MMRN2: variants seen among roughly 807,000 people sequenced by gnomAD.
MMRN2 encodes multimerin 2.
A neutral mutation model predicts 68.8 loss-of-function variants in MMRN2; 53 were observed. That is an observed-to-expected ratio of 0.77 (90% CI 0.62 to 0.97). The LOEUF (loss-of-function observed/expected upper bound fraction) is 0.97, where lower values mean the gene tolerates loss of function less well. MMRN2 is among the 50% of genes least tolerant of loss of function. The pLI is 0.00. For missense variants in MMRN2, 1,266 were observed against 1,259.5 expected, an observed-to-expected ratio of 1.01 and a Z score of -0.08; for synonymous variants, 564 against 551.6, an observed-to-expected ratio of 1.02 and a Z score of -0.32.
At chr10:86,945,832 A>G in intron 1 of MMRN2, 143 bp from the exon 2 acceptor site, 2 of 1,483,222 alleles carry the variant, frequency 1.3e-6, no homozygotes, top group Non-Finnish European at 1.8e-6. Flanking sequence ...AGCCTTCCGC[A>G]TTATTCATCC....
At chr10:86,946,422 C>T (rs1203484572) in intron 1 of MMRN2, among the ~76,000 whole-genome samples, 1 of 152,218 alleles carries the variant, frequency 6.6e-6, no homozygotes, top group Non-Finnish European at 1.5e-5. Flanking sequence ...AACAGTTGTC[C>T]TAAGGAAAGG....
At chr10:86,941,798 TAAAAAAA>T (rs55898424) in intron 6 of MMRN2, among the ~76,000 whole-genome samples, 3 of 115,074 alleles carry the variant, frequency 2.6e-5, no homozygotes, top group East Asian at 2.2e-4. Context: ...AGACCCATCT[TAAAAAAA>T]AAAAAAAAAA....
At chr10:86,940,732 C>A (rs1589300117) in intron 6 of MMRN2, among the ~76,000 whole-genome samples, 1 of 152,212 alleles carries the variant, frequency 6.6e-6, no homozygotes, top group South Asian at 2.1e-4. Context: ...TTCAACAAGG[C>A]CTTGGACTTG....
At position 86,943,041 on chromosome 10, in the gene MMRN2, G is replaced by A; in HGVS notation, c.1743C>T (p.Ala581=). The change falls in exon 6 of 7, where the codon GCC becomes GCT. Residue 581 remains alanine (A), a synonymous_variant. Coordinates refer to ENST00000372027, the MANE Select transcript of MMRN2 (RefSeq NM_024756.3). The surrounding 1 kb of genome is among the most constrained non-coding windows in gnomAD (Gnocchi z 4.2). ...LDDEVGALKA[A]AAEARHEVRQ... is the part of the protein sequence containing the mutation. ...GCACCTCGTGGCGGGCCTCGGCCGC[G>A]GCCGCCTTCAGCGCGCCCACCTCGT... 1 of 1,357,816 alleles carries A rather than the reference G, an allele frequency of 7.4e-7. No individual in the cohort carries two copies. 84.1% of individuals were successfully genotyped at this position (1,357,816 alleles called of 1,614,324 possible).
chr10:86,939,673 C>CA (rs1420999199), intron 6 of MMRN2, among the ~76,000 whole-genome samples: 2 of 151,728 alleles, frequency 1.3e-5, no homozygotes. Flanking sequence ...AGAGAGACCC[C>CA]CACCCCAACC....
Position 86,943,722 on chromosome 10 carries a change from C to A in MMRN2, c.1062G>T (p.Val354=). The A allele has an allele frequency of 6.2e-7, 1 of 1,609,010 alleles. No homozygotes were observed. The highest frequency in any genetic ancestry group is 8.5e-7 in the Non-Finnish European group (1 of 1,180,002). ...TTGCCCCAGCCCCAGGCGTTGCCAA[C>A]ACCAGACTGCCATTGGTCCCTGGGG... ...QEAPGTNGSL[V]LATPGAGARP... The change falls in exon 6 of 7, where the codon GTG becomes GTT. Residue 354 remains valine, a synonymous_variant. Coordinates refer to ENST00000372027, the MANE Select transcript of MMRN2 (RefSeq NM_024756.3). This position sits in a 1 kb window ranked among gnomAD's most constrained non-coding sequence, Gnocchi z 4.2.
chr10:86,957,399 G>T lies in MMRN2; in HGVS notation c.143C>A (p.Thr48Asn), dbSNP rs753870982. 7.4e-6 allele frequency: 12 copies of T among 1,613,488 alleles called. No individual in the cohort carries two copies. The highest frequency in any genetic ancestry group is 8.5e-6 in the Non-Finnish European group (10 of 1,179,952). ...PGVWKAEAED[T>N]GKDPVGRNWC... ...TTACCGTCCTACGGGGTCCTTGCCG[G>T]TGTCCTCAGCCTCTGCCTTCCAGAC... Residue 48 changes from threonine (T) to asparagine (N), a missense_variant, in exon 1 of 7, where the codon ACC becomes AAC. By Grantham distance (65) the Thr-to-Asn change is moderately conservative. Transcript: ENST00000372027.
Position 86,945,524 on chromosome 10 carries a change from C to G in MMRN2, c.293+37G>C, listed in dbSNP as rs1313818070. On this transcript the variant is annotated intron_variant, in intron 2 of 6. Transcript: ENST00000372027. ...TCAGTGATTCCAGGGAGGGCCCGCT[C>G]CAGGCCTGGGCAAATGGCCCACCCT... 7 of 1,564,626 alleles carry G rather than the reference C, an allele frequency of 4.5e-6. No homozygotes were observed. In the Admixed American group the frequency reaches 5.8e-5, roughly 13 times the overall value.
chr10:86,950,425 G>C (rs1011658448), intron 1 of MMRN2, among the ~76,000 whole-genome samples: 2 of 152,138 alleles, frequency 1.3e-5, no homozygotes, highest in Non-Finnish European at 2.9e-5. Flanking sequence ...GCATTTTAAG[G>C]CTCTCTGGGT....
At chr10:86,956,459 T>G (rs1050953890) in intron 1 of MMRN2, among the ~76,000 whole-genome samples, 1 of 152,058 alleles carries the variant, frequency 6.6e-6, no homozygotes, top group Middle Eastern at 3.4e-3. Context: ...CCTAAATCCA[T>G]GTAGATGCCC....
At chr10:86,956,980 T>C (rs1406048632) in intron 1 of MMRN2, among the ~76,000 whole-genome samples, 1 of 152,198 alleles carries the variant, frequency 6.6e-6, no homozygotes, top group African/African-American at 2.4e-5. Context: ...CCCAGGGAAC[T>C]CAGATCAAAA....
At chr10:86,952,316 G>C (rs563767415) in intron 1 of MMRN2, among the ~76,000 whole-genome samples, 1 of 152,344 alleles carries the variant, frequency 6.6e-6, no homozygotes, top group South Asian at 2.1e-4. Flanking sequence ...TGGCCCCAGA[G>C]CTCAGGAGCC....
intron 1 of MMRN2, among the ~76,000 whole-genome samples, chr10:86,947,646 C>T (rs566936362): frequency 2.2e-4 from 34 of 152,200 alleles, no homozygotes; most frequent in Middle Eastern, 3.4e-3. Flanking sequence ...GCTGGGATTA[C>T]AGGCGTGAGC....
intron 6 of MMRN2, 118 bp from the exon 7 acceptor site, chr10:86,937,243 GATAACCTAGATATT>G (rs1412365898): frequency 4.7e-6 from 5 of 1,073,090 alleles, no homozygotes; most frequent in Non-Finnish European, 6.6e-6. Flanking sequence ...ACTATTTCTA[GATAACCTAGATATT>G]CCCAACAGCA....
Position 86,936,814 on chromosome 10 carries a change from T to G in MMRN2, c.2779A>C (p.Thr927Pro). 1 of 1,614,174 alleles carries G rather than the reference T, an allele frequency of 6.2e-7. No homozygotes were observed. Among genetic ancestry groups the G allele is most frequent in the Admixed American group, 1.7e-5 (1 of 60,030 alleles). ...QKGERVWFEL[T>P]QGSITKRSLS... is the part of the protein sequence containing the mutation. ...CTTCTCTTTGTTATTGATCCCTGGG[T>G]TAACTCAAACCATACTCGCTCACCC... The change falls in exon 7 of 7, where the codon ACC (threonine) becomes CCC (proline). Residue 927 changes from threonine (T) to proline (P), a missense_variant. Transcript: ENST00000372027.
Position 86,942,797 on chromosome 10 carries a change from T to A in MMRN2, c.1987A>T (p.Thr663Ser), listed in dbSNP as rs543998825. Reference protein sequence around the residue: ...LGWDELAARVTALEQASEPPR... With the variant: ...LGWDELAARVSALEQASEPPR... ...GGCTCCGAGGCCTGCTCCAGGGCCGTCACTCGGGCGGCCAGCTCGTCCCAG... is the reference window on the plus strand; with the variant it reads ...GGCTCCGAGGCCTGCTCCAGGGCCGACACTCGGGCGGCCAGCTCGTCCCAG... The change falls in exon 6 of 7, where the codon ACG becomes TCG. Residue 663 changes from threonine (T) to serine (S), a missense_variant. Transcript: ENST00000372027. The A allele has an allele frequency of 5.1e-6, 7 of 1,359,464 alleles. No individual in the cohort carries two copies. The African/African-American group carries it at 1.1e-4, about 21-fold the overall frequency. 84.2% of individuals were successfully genotyped at this position (1,359,464 alleles called of 1,614,324 possible).
intron 1 of MMRN2, among the ~76,000 whole-genome samples, chr10:86,953,830 G>T (rs1213697133): frequency 6.6e-6 from 1 of 152,220 alleles, no homozygotes; most frequent in Non-Finnish European, 1.5e-5. Context: ...GGTCCAGCCT[G>T]CCAGGAGTGA....
At position 86,937,055 on chromosome 10, in the gene MMRN2, G is replaced by A; in HGVS notation, c.2538C>T (p.Thr846=). 1 of 1,614,198 alleles carries A rather than the reference G, an allele frequency of 6.2e-7. No individual in the cohort carries two copies. Among genetic ancestry groups the A allele is most frequent in the South Asian group, 1.1e-5 (1 of 91,080 alleles). Residue 846 remains threonine, a synonymous_variant, in exon 7 of 7, where the codon ACC becomes ACT. Coordinates refer to ENST00000372027, the MANE Select transcript of MMRN2 (RefSeq NM_024756.3). ...TAALQTVKFN[T]TYINIGSSYF... ...AGCTGCTGCCAATGTTGATGTATGT[G>A]GTGTTGAACTTCACTGTCTGCAGGG...
rs747863038 is a variant in MMRN2 at position 86,945,610 on chromosome 10, G to A, written c.244C>T (p.Gln82Ter). Residue 82 changes from glutamine (Q) to a stop codon, truncating the protein, a stop_gained, in exon 2 of 7, where the codon CAG becomes TAG. Transcript: ENST00000372027. LOFTEE classifies it high-confidence loss of function. ...GGAGCTCCCTGCGGACACGGCTGCT[G>A]CGAGTGGATGAGGAATTTCTCTGTT... ...CKTEKFLIHSQQPCPQGAPDC... is the reference protein window; with the variant it reads ...CKTEKFLIHS The A allele has an allele frequency of 1.2e-6, 2 of 1,612,894 alleles. No homozygotes were observed. The highest frequency in any genetic ancestry group is 2.2e-5 in the East Asian group (1 of 44,864).
Sources: allele counts gnomAD v4.1 joint callset (sites outside exome capture counted in the v4.1 genomes callset), GRCh38; gene constraint gnomAD v4.1.1; non-coding constraint Gnocchi (gnomAD v3.1); transcripts MANE v1.5; gene names NCBI Gene and HGNC (gene_info 2026-07-23, HGNC 2026-07-21).